Variants in UQCC1 observed in about 807,000 individuals in gnomAD.
UQCC1 encodes the protein ubiquinol-cytochrome c reductase complex assembly factor 1.
UQCC1 carries 38 observed loss-of-function variants against 48.0 expected under a neutral mutation model. The ratio of observed to expected loss-of-function variants is 0.79; its 90% CI spans 0.61 to 1.04. UQCC1 has a LOEUF of 1.04. Among genes scored for constraint, UQCC1 ranks in the 50% least tolerant of loss-of-function variants. UQCC1 has a pLI of 0.00. For synonymous variants in UQCC1, 111 were observed against 129.2 expected (o/e 0.86, Z 0.95); for missense variants, 368 against 381.8 (o/e 0.96, Z 0.30).
At chr20:35,333,439 GC>G (rs1298564678) in intron 7 of UQCC1, among the ~76,000 whole-genome samples, 1 of 152,196 alleles carries the variant, frequency 6.6e-6, no homozygotes, top group African/African-American at 2.4e-5. Context: ...AATAAGGGAA[GC>G]GCTGTACTTT....
chr20:35,372,233 C>T (rs1187432651), intron 5 of UQCC1, among the ~76,000 whole-genome samples: 2 of 149,722 alleles, frequency 1.3e-5, no homozygotes, highest in African/African-American at 2.5e-5. Flanking sequence ...TGCTTGAATC[C>T]GGGAGGCAGA....
At chr20:35,307,187 G>C in intron 8 of UQCC1, 1 of 290,874 alleles carries the variant, frequency 3.4e-6, no homozygotes, top group Non-Finnish European at 6.7e-6. Flanking sequence ...GGAATATTGT[G>C]AATGTATGTT....
At chr20:35,382,327 G>C (rs540644159) in intron 3 of UQCC1, among the ~76,000 whole-genome samples, 1 of 151,680 alleles carries the variant, frequency 6.6e-6, no homozygotes. Flanking sequence ...CTCTGGAGAG[G>C]GGGGGTCCAT....
At chr20:35,339,249 G>A (rs929084864) in intron 7 of UQCC1, among the ~76,000 whole-genome samples, 10 of 152,164 alleles carry the variant, frequency 6.6e-5, no homozygotes, top group Admixed American at 5.2e-4. Flanking sequence ...TAGTGACTAC[G>A]GTAGGCATGT....
chr20:35,343,365 C>G (rs1185565648), intron 7 of UQCC1, among the ~76,000 whole-genome samples: 1 of 152,176 alleles, frequency 6.6e-6, no homozygotes, highest in Non-Finnish European at 1.5e-5. Flanking sequence ...AGGGTGAGAA[C>G]CAGGCCAGAC....
Position 35,411,964 on chromosome 20 carries a change from G to A in UQCC1, c.-1C>T, listed in dbSNP as rs776897630. On this transcript the variant is annotated 5_prime_UTR_variant, in exon 1 of 10. Transcript: ENST00000374385. ...CAAGGACTCGCACCAGCAACGCCATGTTCCTCAATAACCATTTCCGGGTGA... is the reference window on the plus strand; with the variant it reads ...CAAGGACTCGCACCAGCAACGCCATATTCCTCAATAACCATTTCCGGGTGA... 5 of 1,614,210 alleles carry A rather than the reference G, an allele frequency of 3.1e-6. No individual in the cohort carries two copies. In the Admixed American group the frequency reaches 6.7e-5, roughly 22 times the overall value.
chr20:35,362,977 C>A (rs895201154), intron 6 of UQCC1, among the ~76,000 whole-genome samples: 1 of 150,822 alleles, frequency 6.6e-6, no homozygotes, highest in Non-Finnish European at 1.5e-5. Context: ...TTTCTTCCTT[C>A]CCCCTTCTTT....
intron 2 of UQCC1, among the ~76,000 whole-genome samples, chr20:35,387,014 C>T (rs1056696696): frequency 5.9e-5 from 9 of 151,932 alleles, no homozygotes; most frequent in African/African-American, 9.7e-5. Context: ...TGGTGGCTGA[C>T]GCCTGTAATC....
intron 6 of UQCC1, among the ~76,000 whole-genome samples, chr20:35,357,512 C>A (rs1330961763): frequency 4.8e-5 from 1 of 20,946 alleles, no homozygotes; most frequent in Non-Finnish European, 8.3e-5. Flanking sequence ...GAGCAAGACT[C>A]CGTCTCAAAA....
At chr20:35,363,285 C>T (rs368394428) in intron 6 of UQCC1, among the ~76,000 whole-genome samples, 2 of 152,182 alleles carry the variant, frequency 1.3e-5, no homozygotes, top group African/African-American at 4.8e-5. Context: ...GTGGCCAAGA[C>T]AGGATATAGG....
intron 7 of UQCC1, among the ~76,000 whole-genome samples, chr20:35,323,960 T>C (rs898777317): frequency 1.3e-5 from 2 of 152,186 alleles, no homozygotes; most frequent in Admixed American, 6.5e-5. Flanking sequence ...GAAGCTACAG[T>C]TGGATCACCC....
Position 35,304,007 on chromosome 20 carries a change from G to A in UQCC1, c.828C>T (p.Arg276=). 1 of 1,614,154 alleles carries A rather than the reference G, an allele frequency of 6.2e-7. No homozygotes were observed. Among genetic ancestry groups the A allele is most frequent in the Non-Finnish European group, 8.5e-7 (1 of 1,180,006 alleles). ...TCTGAGGATTCTTCTCCACTAGAGG[G>A]CGCCAGCTCACCTCCCCTGTCAGAA... ...DLLLTGEVSW[R]PLVEKNPQSI... is the part of the protein sequence containing the mutation. Residue 276 remains arginine (R), a synonymous_variant, in exon 10 of 10, where the codon CGC becomes CGT. Coordinates refer to ENST00000374385, the MANE Select transcript of UQCC1 (RefSeq NM_018244.5).
intron 7 of UQCC1, among the ~76,000 whole-genome samples, chr20:35,337,951 C>T (rs528389479): frequency 6.6e-6 from 1 of 151,958 alleles, no homozygotes; most frequent in Admixed American, 6.6e-5. Context: ...CTTTGCCGCA[C>T]ACAGTATAAT....
intron 4 of UQCC1, among the ~76,000 whole-genome samples, chr20:35,381,647 T>C (rs1307465021): frequency 6.6e-6 from 1 of 152,198 alleles, no homozygotes; most frequent in East Asian, 1.9e-4. Context: ...CCTCCTCTAT[T>C]GGAGAAGGTC....
At chr20:35,379,579 G>A (rs1465514622) in intron 4 of UQCC1, among the ~76,000 whole-genome samples, 8 of 152,154 alleles carry the variant, frequency 5.3e-5, no homozygotes, top group Admixed American at 1.3e-4. Flanking sequence ...CAAGGCAGGC[G>A]GAATCACTTG....
At chr20:35,351,764 GTTT>G (rs1300154833) in intron 6 of UQCC1, among the ~76,000 whole-genome samples, 1 of 152,202 alleles carries the variant, frequency 6.6e-6, no homozygotes, top group African/African-American at 2.4e-5. Flanking sequence ...GGGATGAAGT[GTTT>G]TTTGTTTCAC....
chr20:35,351,142 G>A (rs2061485856), intron 6 of UQCC1, among the ~76,000 whole-genome samples: 1 of 151,620 alleles, frequency 6.6e-6, no homozygotes, highest in South Asian at 2.1e-4. Flanking sequence ...TGTAATCCCA[G>A]CACTTTGGGA....
At chr20:35,334,936 T>C (rs1331296920) in intron 7 of UQCC1, among the ~76,000 whole-genome samples, 1 of 152,208 alleles carries the variant, frequency 6.6e-6, no homozygotes, top group Non-Finnish European at 1.5e-5. Flanking sequence ...GTGATTTGAC[T>C]TACTCAGGCT....
At position 35,389,652 on chromosome 20, in the gene UQCC1, T is replaced by C. The variant is rs562097517; in HGVS notation, c.129+4440A>G. On this transcript the variant is annotated intron_variant, in intron 2 of 9. Coordinates refer to ENST00000374385, the MANE Select transcript of UQCC1 (RefSeq NM_018244.5). ...AGCTCATACTGGTATAAATAAATAATTGAATAAATAAATAAATGGGGAAGA... is the reference window on the plus strand; with the variant it reads ...AGCTCATACTGGTATAAATAAATAACTGAATAAATAAATAAATGGGGAAGA... Among the ~76,000 whole-genome samples the C allele has an allele frequency of 4.6e-5, 7 of 151,718 alleles. No individual in the cohort carries two copies. In the East Asian group the frequency reaches 1.2e-3, roughly 25 times the overall value.
Sources: gnomAD v4.1 joint callset for allele counts (sites outside exome capture counted in the v4.1 genomes callset) on GRCh38, gnomAD v4.1.1 for gene constraint, MANE v1.5 for transcripts, NCBI Gene and HGNC (gene_info 2026-07-23, HGNC 2026-07-21) for gene names.